Variants in SMARCAL1 observed in about 807,000 individuals in gnomAD.
SMARCAL1 encodes the protein ATP-driven annealing helicase.
In SMARCAL1, 58 loss-of-function variants were observed where a neutral mutation model predicts 94.5. The ratio of observed to expected loss-of-function variants is 0.61; its 90% confidence interval spans 0.50 to 0.76. The LOEUF is 0.76. Among genes scored for constraint, SMARCAL1 ranks in the 30% least tolerant of loss-of-function variants. The pLI is 0.00. For synonymous variants in SMARCAL1, 422 were observed against 455.1 expected (o/e 0.93, Z 0.93); for missense variants, 1,051 against 1,177.9 (o/e 0.89, Z 1.58).
intron 12 of SMARCAL1, among the ~76,000 whole-genome samples, chr2:216,459,787 T>C (rs1209728515): frequency 2.0e-5 from 3 of 152,158 alleles, no homozygotes; most frequent in Admixed American, 6.5e-5. Flanking sequence ...AAGGACTTCA[T>C]GTCTAAAACA....
intron 14 of SMARCAL1, among the ~76,000 whole-genome samples, chr2:216,473,317 ATGT>A (rs772298083): frequency 3.3e-5 from 5 of 150,324 alleles, no homozygotes; most frequent in Non-Finnish European, 5.9e-5. Context: ...AGATTTATCC[ATGT>A]TGTTGTGTGT....
At chr2:216,459,864 A>C (rs1486132117) in intron 12 of SMARCAL1, among the ~76,000 whole-genome samples, 1 of 152,186 alleles carries the variant, frequency 6.6e-6, no homozygotes, top group Admixed American at 6.5e-5. Flanking sequence ...GAGCTTCTGC[A>C]CAGCAAAAGA....
chr2:216,435,288 CTGCTG>C, intron 8 of SMARCAL1, 45 bp from the exon 9 acceptor site: 1 of 1,602,832 alleles, frequency 6.2e-7, no homozygotes, highest in Non-Finnish European at 8.5e-7. Flanking sequence ...CAACCAACAG[CTGCTG>C]TGCTGGGTGG....
chr2:216,443,505 T>C (rs1694243916), intron 10 of SMARCAL1, among the ~76,000 whole-genome samples: 1 of 152,236 alleles, frequency 6.6e-6, no homozygotes, highest in East Asian at 1.9e-4. Context: ...CTGTCTGTTC[T>C]TACCCAAGAA....
At chr2:216,451,825 G>A (rs1165898198) in intron 12 of SMARCAL1, among the ~76,000 whole-genome samples, 1 of 152,160 alleles carries the variant, frequency 6.6e-6, no homozygotes, top group African/African-American at 2.4e-5. Flanking sequence ...ATAAAACCTT[G>A]TAATTCCCAT....
chr2:216,415,042 C>T lies in SMARCAL1; in HGVS notation c.338C>T (p.Pro113Leu). 1 of 1,614,146 alleles carries T rather than the reference C, an allele frequency of 6.2e-7. No individual in the cohort carries two copies. The highest frequency in any genetic ancestry group is 8.5e-7 in the Non-Finnish European group (1 of 1,180,036). ...EMPTACPGHS[P>L]RSQMALTGIS... ...CCCACAGCCTGCCCAGGCCACAGTC[C>T]ACGTAGTCAAATGGCTCTCACTGGA... is the stretch of plus-strand genomic sequence containing the variant. The change falls in exon 3 of 18, where the codon CCA becomes CTA. Residue 113 changes from proline to leucine, a missense_variant. Around this residue, in one of 3 missense-constraint regions of SMARCAL1, gnomAD observed 398 missense variants for 395.2 expected, o/e 1.01. Coordinates refer to ENST00000357276, the MANE Select transcript of SMARCAL1 (RefSeq NM_014140.4).
intron 11 of SMARCAL1, among the ~76,000 whole-genome samples, chr2:216,449,294 G>A (rs1007745541): frequency 3.3e-5 from 5 of 152,166 alleles, no homozygotes; most frequent in African/African-American, 1.2e-4. Context: ...ACACATTTAA[G>A]CCATAGCAAT....
At chr2:216,439,672 CAA>C (rs1694156288) in intron 10 of SMARCAL1, among the ~76,000 whole-genome samples, 1 of 152,208 alleles carries the variant, frequency 6.6e-6, no homozygotes, top group African/African-American at 2.4e-5. Flanking sequence ...CCACTCATTT[CAA>C]GTTTTCATGT....
chr2:216,462,419 A>C (rs1694724829), intron 12 of SMARCAL1, among the ~76,000 whole-genome samples: 1 of 152,164 alleles, frequency 6.6e-6, no homozygotes, highest in African/African-American at 2.4e-5. Flanking sequence ...TGGCTACTAG[A>C]AACTGCATTG....
rs1694788538 is a variant in SMARCAL1, at chr2:216,464,624, CTCT to C, written c.2104_2106del (p.Phe702del). 1.2e-6 allele frequency: 2 copies of C among 1,613,002 alleles called. No individual in the cohort carries two copies. Among genetic ancestry groups the C allele is most frequent in the East Asian group, 2.2e-5 (1 of 44,832 alleles). On this transcript the variant is annotated inframe_deletion, in exon 13 of 18. Coordinates refer to ENST00000357276, the MANE Select transcript of SMARCAL1 (RefSeq NM_014140.4). ...ACAGCAGCAGAAAGATGCCCTCATT[CTCT>C]TCTTCAACAGAACAGCTGAAGCTAA...
chr2:216,452,055 A>C (rs562558579), intron 12 of SMARCAL1, among the ~76,000 whole-genome samples: 44 of 152,344 alleles, frequency 2.9e-4, no homozygotes, highest in Admixed American at 2.7e-3. Context: ...AGGATAGAGG[A>C]TGCACTGGCA....
Position 216,414,974 on chromosome 2 carries a change from C to T in SMARCAL1, c.270C>T (p.His90=), listed in dbSNP as rs150591090. 188 of 1,614,092 alleles carry T rather than the reference C, an allele frequency of 1.2e-4. No homozygotes were observed. Among genetic ancestry groups the T allele is most frequent in the Non-Finnish European group, 4.2e-6 (5 of 1,180,048 alleles). ...SNADQRPHDS[H]SFQAKGIWKK... ...CTGACCAAAGACCTCATGATTCCCACAGTTTTCAGGCAAAGGGAATATGGA... is the reference window on the plus strand; with the variant it reads ...CTGACCAAAGACCTCATGATTCCCATAGTTTTCAGGCAAAGGGAATATGGA... The change falls in exon 3 of 18, where the codon CAC becomes CAT. Residue 90 remains histidine (H), a synonymous_variant. Coordinates refer to ENST00000357276, the MANE Select transcript of SMARCAL1 (RefSeq NM_014140.4).
rs1464978687 is a variant in SMARCAL1 at position 216,452,825 on chromosome 2, G to A, written c.2070+1761G>A. Among the ~76,000 whole-genome samples, 3 of 152,144 alleles carry A rather than the reference G, an allele frequency of 2.0e-5. No individual in the cohort carries two copies. In the East Asian group the frequency reaches 5.8e-4, roughly 29 times the overall value. On this transcript the variant is annotated intron_variant, in intron 12 of 17. Coordinates refer to ENST00000357276, the MANE Select transcript of SMARCAL1 (RefSeq NM_014140.4). ...GTATAGTTCTTCAAGTAAAGGGAGT[G>A]GCTCTTTTCAAAGATGATTTCAGAT...
At position 216,450,939 on chromosome 2, in the gene SMARCAL1, G is replaced by A. The variant is rs2066523; in HGVS notation, c.1945G>A (p.Asp649Asn). Residue 649 changes from aspartate to asparagine, a missense_variant, in exon 12 of 18, where the codon GAC (aspartate) becomes AAC (asparagine). By Grantham distance (23) the Asp-to-Asn change is conservative. Transcript: ENST00000357276. The stretch of plus-strand genomic sequence containing the variant: ...AGTCATGCTGCGGCGCCTCAAGTCC[G>A]ACGTCCTTTCCCAGCTGCCTGCCAA... ...EAVMLRRLKS[D>N]VLSQLPAKQR... 13 of 1,614,186 alleles carry A rather than the reference G, an allele frequency of 8.1e-6. No individual in the cohort carries two copies. Among genetic ancestry groups the A allele is most frequent in the South Asian group, 4.4e-5 (4 of 91,078 alleles).
intron 8 of SMARCAL1, among the ~76,000 whole-genome samples, chr2:216,434,226 T>C (rs1694024442): frequency 6.6e-6 from 1 of 151,972 alleles, no homozygotes; most frequent in Non-Finnish European, 1.5e-5. Flanking sequence ...CAGCCTGAGG[T>C]TAGAGAAAAG....
intron 4 of SMARCAL1, among the ~76,000 whole-genome samples, chr2:216,419,381 A>G (rs1485151666): frequency 6.6e-6 from 1 of 152,102 alleles, no homozygotes; most frequent in Non-Finnish European, 1.5e-5. Flanking sequence ...TTTTTAAAGC[A>G]TGGGTTCTTT....
chr2:216,438,589 T>C, intron 10 of SMARCAL1, 104 bp downstream of exon 10: 1 of 932,358 alleles, frequency 1.1e-6, no homozygotes, highest in Non-Finnish European at 1.7e-6. Context: ...AGTATAGACC[T>C]GTGGGCCATG....
intron 14 of SMARCAL1, among the ~76,000 whole-genome samples, chr2:216,470,944 A>C (rs906532110): frequency 6.6e-6 from 1 of 151,998 alleles, no homozygotes; most frequent in African/African-American, 2.4e-5. Context: ...TAAATATTAA[A>C]ATCTGTTATA....
rs565976562 is a variant in SMARCAL1, at chr2:216,475,020, T to A, written c.2245-249T>A. 6.6e-6 allele frequency among the ~76,000 whole-genome samples: 1 copy of A among 152,334 alleles called. No individual in the cohort carries two copies. Among genetic ancestry groups the A allele is most frequent in the South Asian group, 2.1e-4 (1 of 4,824 alleles). Reference sequence around the variant, plus strand: ...TCCTGGCTGTGGTATTATACTATAGTTTTTATAGAATGTTACCACTGCAGG... The same window carrying A: ...TCCTGGCTGTGGTATTATACTATAGATTTTATAGAATGTTACCACTGCAGG... On this transcript the variant is annotated intron_variant, in intron 14 of 17. Transcript: ENST00000357276. The surrounding 1 kb of genome is among the most constrained non-coding windows in gnomAD (Gnocchi z 4.4).
Sources: allele counts gnomAD v4.1 joint callset (sites outside exome capture counted in the v4.1 genomes callset), GRCh38; gene constraint gnomAD v4.1.1; regional missense constraint gnomAD v4.1.1; non-coding constraint Gnocchi (gnomAD v3.1); transcripts MANE v1.5; gene names NCBI Gene and HGNC (gene_info 2026-07-23, HGNC 2026-07-21).